Variants in PPRC1 observed in about 807,000 individuals in gnomAD.
PPRC1 encodes PPARG related coactivator 1.
PPRC1 carries 23 observed loss-of-function variants against 132.5 expected under a neutral mutation model. That is an observed-to-expected ratio of 0.17 (90% CI 0.12 to 0.25). The LOEUF (loss-of-function observed/expected upper bound fraction) is 0.25. PPRC1 is among the 10% of genes least tolerant of loss of function. The pLI is 1.00. For synonymous variants in PPRC1, 872 were observed against 833.5 expected (o/e 1.05, Z -0.80); for missense variants, 2,006 against 2,089.1 (o/e 0.96, Z 0.78).
Position 102,141,440 on chromosome 10 carries a change from A to G in PPRC1, c.2932A>G (p.Thr978Ala). ...APVSPYSSTC[T>A]YGPLGWGPGP... ...AGTCTCACCTTACAGTTCCACATGT[A>G]CCTATGGGCCCTTGGGATGGGGCCC... The change falls in exon 5 of 14, where the codon ACC (threonine) becomes GCC (alanine). Residue 978 changes from threonine to alanine, a missense_variant. Around this residue, in one of 2 missense-constraint regions of PPRC1, gnomAD observed 1,914 missense variants for 1,917.2 expected, o/e 1.00. Transcript: ENST00000278070. The G allele has an allele frequency of 6.2e-7, 1 of 1,613,680 alleles. No individual in the cohort carries two copies. The highest frequency in any genetic ancestry group is 8.5e-7 in the Non-Finnish European group (1 of 1,179,968).
At position 102,140,703 on chromosome 10, in the gene PPRC1, C is replaced by T; in HGVS notation, c.2195C>T (p.Ser732Phe). ...IIPEVKEVVDSLKIESGTSAT... is the reference protein window; with the variant it reads ...IIPEVKEVVDFLKIESGTSAT... ...CCTGAAGTCAAAGAGGTTGTGGATT[C>T]TCTGAAAATTGAAAGTGGTACCAGT... is the stretch of plus-strand genomic sequence containing the variant. Residue 732 changes from serine (S) to phenylalanine (F), a missense_variant, in exon 5 of 14, where the codon TCT (serine) becomes TTT (phenylalanine). Around this residue, in one of 2 missense-constraint regions of PPRC1, gnomAD observed 1,914 missense variants for 1,917.2 expected, o/e 1.00. Coordinates refer to ENST00000278070, the MANE Select transcript of PPRC1 (RefSeq NM_015062.5). 1 of 1,614,046 alleles carries T rather than the reference C, an allele frequency of 6.2e-7. No individual in the cohort carries two copies. The highest frequency in any genetic ancestry group is 8.5e-7 in the Non-Finnish European group (1 of 1,180,004).
At chr10:102,147,490 C>G in intron 9 of PPRC1, 98 bp downstream of exon 9, 1 of 1,417,288 alleles carries the variant, frequency 7.1e-7, no homozygotes, top group Admixed American at 2.2e-5. Flanking sequence ...TTGGTACTTT[C>G]AGGCGCTAAG....
chr10:102,120,093 G>T, the PPRC1 span: 1 of 1,423,214 alleles, frequency 7.0e-7, no homozygotes, highest in Non-Finnish European at 9.3e-7. Flanking sequence ...CACCAGGACA[G>T]GCACAGCCCA....
At chr10:102,142,955 G>C (rs971934630) in intron 5 of PPRC1, 90 bp from the exon 6 acceptor site, 1 of 1,158,858 alleles carries the variant, frequency 8.6e-7, no homozygotes, top group African/African-American at 1.5e-5. Flanking sequence ...GAGTGGAAAG[G>C]GAGAAGTGAG....
At chr10:102,143,753 G>A (rs1446797556) in intron 6 of PPRC1, among the ~76,000 whole-genome samples, 1 of 152,166 alleles carries the variant, frequency 6.6e-6, no homozygotes, top group Non-Finnish European at 1.5e-5. Context: ...GTAGGTATAG[G>A]AAGAATGGCA....
upstream of PPRC1, among the ~76,000 whole-genome samples, chr10:102,130,597 T>C (rs2068525580): frequency 6.6e-6 from 1 of 151,592 alleles, no homozygotes; most frequent in South Asian, 2.1e-4. Flanking sequence ...TAGCTGGGCG[T>C]GGTGGCACAT....
At chr10:102,142,111 A>T in intron 5 of PPRC1, 107 bp downstream of exon 5, 1 of 1,353,290 alleles carries the variant, frequency 7.4e-7, no homozygotes, top group Non-Finnish European at 1.0e-6. Flanking sequence ...TCTTTGGAGG[A>T]GTTTTTTTGT....
At position 102,141,534 on chromosome 10, in the gene PPRC1, G is replaced by A. The variant is rs756058587; in HGVS notation, c.3026G>A (p.Arg1009Lys). 1 of 1,614,112 alleles carries A rather than the reference G, an allele frequency of 6.2e-7. No individual in the cohort carries two copies. Among genetic ancestry groups the A allele is most frequent in the East Asian group, 2.2e-5 (1 of 44,868 alleles). The change falls in exon 5 of 14, where the codon AGA (arginine) becomes AAA (lysine). Residue 1009 changes from arginine (R) to lysine (K), a missense_variant. Arg to Lys is a conservative substitution (Grantham distance 26). Coordinates refer to ENST00000278070, the MANE Select transcript of PPRC1 (RefSeq NM_015062.5). ...PPPLPPASIG[R>K]AVPQPKMESR... The stretch of plus-strand genomic sequence containing the variant: ...CCTTTGCCTCCAGCCTCCATTGGGA[G>A]AGCTGTTCCCCAACCTAAAATGGAG...
chr10:102,141,049 G>A lies in PPRC1; in HGVS notation c.2541G>A (p.Val847=). ...KPVASSPTEQ[V]PSQEMPLLAR... Reference sequence around the variant, plus strand: ...TGGCCTCATCTCCCACTGAGCAGGTGCCATCCCAGGAGATGCCACTGTTGG... The same window carrying A: ...TGGCCTCATCTCCCACTGAGCAGGTACCATCCCAGGAGATGCCACTGTTGG... The change falls in exon 5 of 14, where the codon GTG becomes GTA. Residue 847 remains valine, a synonymous_variant. Coordinates refer to ENST00000278070, the MANE Select transcript of PPRC1 (RefSeq NM_015062.5). The A allele has an allele frequency of 2.5e-6, 4 of 1,614,138 alleles. No homozygotes were observed. The highest frequency in any genetic ancestry group is 3.4e-6 in the Non-Finnish European group (4 of 1,180,018).
intron 3 of PPRC1, 46 bp downstream of exon 3, chr10:102,138,811 C>T (rs369420304): frequency 6.2e-7 from 1 of 1,613,342 alleles, no homozygotes; most frequent in Non-Finnish European, 8.5e-7. Flanking sequence ...AGTTTAGACC[C>T]ATGCCTGTGG....
chr10:102,144,637 G>C (rs532573321), intron 7 of PPRC1: 1 of 472,614 alleles, frequency 2.1e-6, no homozygotes, highest in Admixed American at 3.9e-5. Context: ...GCTGGTAATG[G>C]TGTAACTTAA....
At chr10:102,142,135 T>C (rs2069011294) in intron 5 of PPRC1, 131 bp downstream of exon 5, 5 of 1,107,212 alleles carry the variant, frequency 4.5e-6, no homozygotes, top group South Asian at 1.7e-5. Flanking sequence ...TATTTTGAGA[T>C]GGAGTCTTGC....
At position 102,141,783 on chromosome 10, in the gene PPRC1, T is replaced by G. The variant is rs757382112; in HGVS notation, c.3275T>G (p.Val1092Gly). The G allele has an allele frequency of 6.2e-7, 1 of 1,613,872 alleles. No individual in the cohort carries two copies. Among genetic ancestry groups the G allele is most frequent in the Non-Finnish European group, 8.5e-7 (1 of 1,179,874 alleles). The change falls in exon 5 of 14, where the codon GTT becomes GGT. Residue 1092 changes from valine (V) to glycine (G), a missense_variant. Physicochemically the swap from Val to Gly is moderately radical, Grantham distance 109. Around this residue, in one of 2 missense-constraint regions of PPRC1, gnomAD observed 1,914 missense variants for 1,917.2 expected, o/e 1.00. Coordinates refer to ENST00000278070, the MANE Select transcript of PPRC1 (RefSeq NM_015062.5). ...TGTGTGTCTGCTGAAGGTGTGACTG[T>G]TGAGGAGCCTGCATCAGAGAGGCTA... ...LACVSAEGVT[V>G]EEPASERLKP...
In PPRC1 at chr10:102,147,208, C is replaced by T; in HGVS notation, c.4216C>T (p.Arg1406Ter). 1 of 1,613,662 alleles carries T rather than the reference C, an allele frequency of 6.2e-7. No individual in the cohort carries two copies. Among genetic ancestry groups the T allele is most frequent in the East Asian group, 2.2e-5 (1 of 44,888 alleles). ...CAAGCAGCGGTCAATGCGCTGTTAC[C>T]GAAAAGCCTGCAGGTCAGCCAGCCC... Reference protein sequence around the residue: ...SAKQRSMRCYRKACRSASPSS... With the variant: ...SAKQRSMRCY The change falls in exon 9 of 14, where the codon CGA becomes TGA. Residue 1406 changes from arginine to a stop codon, truncating the protein, a stop_gained. Coordinates refer to ENST00000278070, the MANE Select transcript of PPRC1 (RefSeq NM_015062.5). LOFTEE classifies it high-confidence loss of function.
chr10:102,125,680 A>G, the PPRC1 span, among the ~76,000 whole-genome samples: 2 of 152,270 alleles, frequency 1.3e-5, no homozygotes, highest in African/African-American at 4.8e-5. Flanking sequence ...AAAAAGGCAG[A>G]CAGCAGAAGC....
rs17114388 is a variant in PPRC1 at position 102,140,114 on chromosome 10, A to G, written c.1606A>G (p.Ser536Gly). Residue 536 changes from serine (S) to glycine (G), a missense_variant, in exon 5 of 14, where the codon AGC (serine) becomes GGC (glycine). Physicochemically the swap from Ser to Gly is moderately conservative, Grantham distance 56. This residue lies in a region of PPRC1 where 1,914 missense variants were observed against 1,917.2 expected (regional missense o/e 1.00). Coordinates refer to ENST00000278070, the MANE Select transcript of PPRC1 (RefSeq NM_015062.5). ...CTGGGCAGCTGCCTTGGAGAATTCTAGCCCTAAGAACTTGGAGAGAAGTGC... is the reference window on the plus strand; with the variant it reads ...CTGGGCAGCTGCCTTGGAGAATTCTGGCCCTAAGAACTTGGAGAGAAGTGC... ...RAWAAALENS[S>G]PKNLERSAGQ... The G allele has an allele frequency of 0.014, 22,301 of 1,614,220 alleles. 1,296 individuals carry two copies. The East Asian group carries it at 0.19, about 14-fold the overall frequency.
chr10:102,133,298 AAG>A (rs1294768494), intron 1 of PPRC1, 77 bp downstream of exon 1: 2 of 1,167,004 alleles, frequency 1.7e-6, no homozygotes, highest in African/African-American at 1.6e-5. Flanking sequence ...CGCCACAGGA[AAG>A]AGAGGAAGCG....
In PPRC1 at chr10:102,141,416, G is replaced by A; in HGVS notation, c.2908G>A (p.Val970Ile). The A allele has an allele frequency of 6.2e-7, 1 of 1,613,890 alleles. No homozygotes were observed. Among genetic ancestry groups the A allele is most frequent in the South Asian group, 1.1e-5 (1 of 91,082 alleles). ...GCCTTGGGCACCCCCTCCTGCCCCA[G>A]TCTCACCTTACAGTTCCACATGTAC... ...SVPWAPPPAP[V>I]SPYSSTCTYG... Residue 970 changes from valine (V) to isoleucine (I), a missense_variant, in exon 5 of 14, where the codon GTC (valine) becomes ATC (isoleucine). Physicochemically the swap from Val to Ile is conservative, Grantham distance 29. This residue lies in a region of PPRC1 where 1,914 missense variants were observed against 1,917.2 expected (regional missense o/e 1.00). Transcript: ENST00000278070.
At chr10:102,149,066 G>A in intron 12 of PPRC1, 112 bp from the exon 13 acceptor site, 1 of 1,526,542 alleles carries the variant, frequency 6.6e-7, no homozygotes, top group East Asian at 2.3e-5. Flanking sequence ...CAGTCAGAGG[G>A]TTGGCCACTG....
Sources: allele counts gnomAD v4.1 joint callset (sites outside exome capture counted in the v4.1 genomes callset), GRCh38; gene constraint gnomAD v4.1.1; regional missense constraint gnomAD v4.1.1; transcripts MANE v1.5; gene names NCBI Gene and HGNC (gene_info 2026-07-23, HGNC 2026-07-21).